Variants in SYNDIG1L observed in about 807,000 individuals in gnomAD.
SYNDIG1L encodes the protein synapse differentiation inducing 1 like.
SYNDIG1L carries 13 observed loss-of-function variants against 20.1 expected under a neutral mutation model. The ratio of observed to expected loss-of-function variants is 0.65; its 90% CI spans 0.42 to 1.03. SYNDIG1L has a LOEUF of 1.03. Among genes scored for constraint, SYNDIG1L ranks in the 50% least tolerant of loss-of-function variants. The pLI, the probability that SYNDIG1L is intolerant of heterozygous loss-of-function variation, is 0.00. For synonymous variants in SYNDIG1L, 128 were observed against 129.3 expected (o/e 0.99, Z 0.07); for missense variants, 294 against 305.1 (o/e 0.96, Z 0.27).
intron 1 of SYNDIG1L, among the ~76,000 whole-genome samples, chr14:74,413,432 A>T (rs11159080): frequency 6.6e-6 from 1 of 152,034 alleles, no homozygotes; most frequent in East Asian, 1.9e-4. Context: ...GTTTACAAAG[A>T]GTAATGACGT....
the SYNDIG1L span, among the ~76,000 whole-genome samples, chr14:74,447,969 T>C: frequency 3.3e-5 from 5 of 152,134 alleles, no homozygotes; most frequent in African/African-American, 1.2e-4. Context: ...AAATGTGTAC[T>C]ATAAACCCCT....
the SYNDIG1L span, among the ~76,000 whole-genome samples, chr14:74,464,195 T>C: frequency 6.6e-6 from 1 of 151,956 alleles, no homozygotes; most frequent in Admixed American, 6.6e-5. Context: ...GGGTGTAGGT[T>C]GGTATTTAGA....
chr14:74,422,320 T>C (rs192431844), intron 1 of SYNDIG1L, among the ~76,000 whole-genome samples: 5 of 151,930 alleles, frequency 3.3e-5, no homozygotes, highest in Admixed American at 2.6e-4. Flanking sequence ...TGAAGATCAG[T>C]CTTTAGTGTC....
At chr14:74,421,887 A>C (rs2086224575) in intron 1 of SYNDIG1L, among the ~76,000 whole-genome samples, 1 of 152,138 alleles carries the variant, frequency 6.6e-6, no homozygotes. Context: ...AGGGAGAATC[A>C]ATTGCCCTCT....
At chr14:74,472,105 C>G in the SYNDIG1L span, 1 of 152,138 alleles carries the variant, frequency 6.6e-6, no homozygotes, top group South Asian at 2.1e-4. Context: ...TATCTTACAC[C>G]CAAGGAACAC....
intron 1 of SYNDIG1L, among the ~76,000 whole-genome samples, chr14:74,423,372 A>G (rs180769735): frequency 6.6e-6 from 1 of 152,314 alleles, no homozygotes; most frequent in East Asian, 1.9e-4. Flanking sequence ...TGCAGAAAAG[A>G]AAACACCTCA....
In SYNDIG1L at chr14:74,407,399, AT is replaced by A. The variant is rs1045016696; in HGVS notation, c.*135del. ...AAGGCTGAGCTCTGCAGGCTGTGGA[AT>A]GGGGGTCTCCCCCTCAGCAAGCCAC... On this transcript the variant is annotated 3_prime_UTR_variant, in exon 4 of 4. Transcript: ENST00000331628. The A allele has an allele frequency of 5.6e-6, 7 of 1,243,030 alleles. No individual in the cohort carries two copies. Among genetic ancestry groups the A allele is most frequent in the Non-Finnish European group, 7.8e-6 (7 of 894,952 alleles). 77.0% of individuals were successfully genotyped at this position (1,243,030 alleles called of 1,614,324 possible).
chr14:74,442,454 G>A, the SYNDIG1L span, among the ~76,000 whole-genome samples: 1 of 152,192 alleles, frequency 6.6e-6, no homozygotes, highest in Non-Finnish European at 1.5e-5. Context: ...AAGTTCTGTA[G>A]TGAAAGATAA....
At chr14:74,437,630 G>A in the SYNDIG1L span, among the ~76,000 whole-genome samples, 2 of 152,184 alleles carry the variant, frequency 1.3e-5, no homozygotes, top group Non-Finnish European at 1.5e-5. Context: ...AGAAGAGCCT[G>A]GAACCAGCTG....
At chr14:74,436,606 T>C in the SYNDIG1L span, among the ~76,000 whole-genome samples, 4 of 151,528 alleles carry the variant, frequency 2.6e-5, no homozygotes, top group Admixed American at 6.6e-5. Flanking sequence ...CCCAGCACTT[T>C]GGGGGGCCGA....
chr14:74,446,758 A>G, the SYNDIG1L span, among the ~76,000 whole-genome samples: 2 of 152,212 alleles, frequency 1.3e-5, no homozygotes, highest in Admixed American at 1.3e-4. Context: ...CTGGGATTAC[A>G]GGTGCATGCC....
At chr14:74,413,230 T>G (rs2086146562) in intron 1 of SYNDIG1L, among the ~76,000 whole-genome samples, 1 of 152,198 alleles carries the variant, frequency 6.6e-6, no homozygotes, top group Admixed American at 6.5e-5. Flanking sequence ...ACACTCAGCC[T>G]TTACCAGCTT....
the SYNDIG1L span, among the ~76,000 whole-genome samples, chr14:74,442,857 T>A: frequency 2.0e-5 from 3 of 152,148 alleles, no homozygotes; most frequent in Non-Finnish European, 4.4e-5. Flanking sequence ...TCCTGAATGA[T>A]GCCTGGGTTT....
At chr14:74,429,322 T>G (rs1486071775), upstream of SYNDIG1L, among the ~76,000 whole-genome samples, 1 of 152,240 alleles carries the variant, frequency 6.6e-6, no homozygotes, top group Non-Finnish European at 1.5e-5. Flanking sequence ...ATTCCTTAAG[T>G]GAAATCCAAC....
chr14:74,466,658 G>A, the SYNDIG1L span, among the ~76,000 whole-genome samples: 1 of 152,260 alleles, frequency 6.6e-6, no homozygotes, highest in African/African-American at 2.4e-5. Context: ...GGGAAGTGAT[G>A]GCTCCACAGG....
chr14:74,446,345 A>G, the SYNDIG1L span, among the ~76,000 whole-genome samples: 5 of 152,216 alleles, frequency 3.3e-5, no homozygotes, highest in African/African-American at 1.2e-4. Context: ...ATTTTCTAAA[A>G]TAAGCACCAA....
chr14:74,409,539 C>T lies in SYNDIG1L; in HGVS notation c.206G>A (p.Arg69Gln), dbSNP rs771280356. ...SLQLAVEAWY[R>Q]PSCLLGRDKV... ...GTCTCTCCCCAGGAGGCAGCTGGGC[C>T]GGTACCAGGCCTCCACGGCCAGCTG... Residue 69 changes from arginine (R) to glutamine (Q), a missense_variant, in exon 2 of 4, where the codon CGG (arginine) becomes CAG (glutamine). Physicochemically the swap from Arg to Gln is conservative, Grantham distance 43 (BLOSUM62 1). Transcript: ENST00000331628. 28 of 1,574,744 alleles carry T rather than the reference C, an allele frequency of 1.8e-5. No individual in the cohort carries two copies. Among genetic ancestry groups the T allele is most frequent in the East Asian group, 4.6e-5 (2 of 43,824 alleles).
the SYNDIG1L span, among the ~76,000 whole-genome samples, chr14:74,469,364 C>G: frequency 2.8e-5 from 3 of 107,866 alleles, no homozygotes; most frequent in East Asian, 5.3e-4. Flanking sequence ...ACACCGGGGT[C>G]TGTCGTGGGG....
chr14:74,469,002 C>T, the SYNDIG1L span, among the ~76,000 whole-genome samples: 4 of 152,224 alleles, frequency 2.6e-5, no homozygotes, highest in East Asian at 1.9e-4. Context: ...TGTGTCTGTG[C>T]GTCCTGTCAA....
Sources: gnomAD v4.1 joint callset for allele counts (sites outside exome capture counted in the v4.1 genomes callset) on GRCh38, gnomAD v4.1.1 for gene constraint, MANE v1.5 for transcripts, NCBI Gene and HGNC (gene_info 2026-07-23, HGNC 2026-07-21) for gene names.